The following LAMA2 variants were observed in gnomAD, a reference collection of about 807,000 sequenced individuals.
LAMA2 encodes laminin subunit alpha 2.
In LAMA2, 269 loss-of-function variants were observed where a neutral mutation model predicts 364.8. The ratio of observed to expected loss-of-function variants is 0.74; its 90% confidence interval spans 0.67 to 0.82. LAMA2 has a LOEUF of 0.82. Among genes scored for constraint, LAMA2 ranks in the 40% least tolerant of loss-of-function variants. The pLI, the probability that LAMA2 is intolerant of heterozygous loss-of-function variation, is 0.00. For missense variants in LAMA2, 3,807 were observed against 3,873.2 expected (o/e 0.98, Z 0.45); for synonymous variants, 1,379 against 1,370.6 (o/e 1.01, Z -0.14).
chr6:129,325,390 T>G (rs1390477523), intron 28 of LAMA2, among the ~76,000 whole-genome samples: 2 of 152,180 alleles, frequency 1.3e-5, no homozygotes, highest in Admixed American at 6.5e-5. Flanking sequence ...GTAACTTTTT[T>G]GCTTCCAATT....
rs763338640 is a variant in LAMA2, at chr6:129,260,800, G to C, written c.2186G>C (p.Gly729Ala). 3.1e-6 allele frequency: 5 copies of C among 1,605,974 alleles called. No homozygotes were observed. The highest frequency in any genetic ancestry group is 2.7e-5 in the African/African-American group (2 of 74,706). The change falls in exon 15 of 65, where the codon GGG becomes GCG. Residue 729 changes from glycine to alanine, a missense_variant. This residue lies in a region of LAMA2 where 3,333 missense variants were observed against 3,345.7 expected (regional missense o/e 1.00). Transcript: ENST00000421865. ...GTAGAAGTGTGTCAGTGCCCACCAGGGTATACTGGCTCCTCTTGTGAAGTA... is the reference window on the plus strand; with the variant it reads ...GTAGAAGTGTGTCAGTGCCCACCAGCGTATACTGGCTCCTCTTGTGAAGTA... Reference protein sequence around the residue: ...AAVEVCQCPPGYTGSSCESCW... With the variant: ...AAVEVCQCPPAYTGSSCESCW...
chr6:129,058,187 A>C (rs184594795), intron 2 of LAMA2, among the ~76,000 whole-genome samples: 1 of 152,344 alleles, frequency 6.6e-6, no homozygotes, highest in Non-Finnish European at 1.5e-5. Context: ...GAGAGGGAGA[A>C]AGAAAAAGAC....
At chr6:129,134,305 T>C (rs1188494747) in intron 4 of LAMA2, among the ~76,000 whole-genome samples, 1 of 152,260 alleles carries the variant, frequency 6.6e-6, no homozygotes, top group African/African-American at 2.4e-5. Context: ...ATTTGAGGTT[T>C]TAGCACTTTC....
intron 12 of LAMA2, among the ~76,000 whole-genome samples, chr6:129,200,066 G>A (rs548878281): frequency 6.8e-6 from 1 of 147,910 alleles, no homozygotes; most frequent in Admixed American, 6.8e-5. Flanking sequence ...GGCATAGAGC[G>A]AGACCCTCTC....
intron 4 of LAMA2, among the ~76,000 whole-genome samples, chr6:129,119,761 G>A (rs1298157656): frequency 1.3e-5 from 2 of 152,128 alleles, no homozygotes; most frequent in Non-Finnish European, 2.9e-5. Context: ...TGTTAGCCAG[G>A]ATGGTCTCGA....
chr6:129,052,135 CTTTT>C (rs34305119), intron 2 of LAMA2, among the ~76,000 whole-genome samples: 4 of 127,410 alleles, frequency 3.1e-5, no homozygotes, highest in Admixed American at 8.0e-5. Context: ...ATTTCTTCTC[CTTTT>C]TTTTTTTTTT....
intron 1 of LAMA2, among the ~76,000 whole-genome samples, chr6:128,931,403 T>C (rs1162726100): frequency 6.6e-6 from 1 of 152,228 alleles, no homozygotes; most frequent in East Asian, 1.9e-4. Context: ...AATATCTTAA[T>C]GTTGAATATC....
chr6:128,994,347 T>C (rs548590711), intron 1 of LAMA2, among the ~76,000 whole-genome samples: 5 of 152,254 alleles, frequency 3.3e-5, no homozygotes, highest in Admixed American at 6.5e-5. Flanking sequence ...CCTGAAGAAA[T>C]AGGGGGAACT....
intron 1 of LAMA2, among the ~76,000 whole-genome samples, chr6:128,905,957 C>G (rs552971772): frequency 6.6e-6 from 1 of 151,584 alleles, no homozygotes. Context: ...CTACAAAGGA[C>G]ATGAACTCAT....
At chr6:129,005,849 T>G (rs933756375) in intron 1 of LAMA2, among the ~76,000 whole-genome samples, 2 of 151,158 alleles carry the variant, frequency 1.3e-5, no homozygotes, top group Non-Finnish European at 2.9e-5. Context: ...ATATATATTT[T>G]TATATATATA....
At chr6:129,471,734 T>C (rs1783824221) in intron 51 of LAMA2, among the ~76,000 whole-genome samples, 1 of 151,986 alleles carries the variant, frequency 6.6e-6, no homozygotes, top group African/African-American at 2.4e-5. Flanking sequence ...AAAATAGGTG[T>C]GTGAAAGTAA....
intron 51 of LAMA2, 132 bp downstream of exon 51, chr6:129,465,421 AT>A: frequency 1.5e-5 from 12 of 785,160 alleles, no homozygotes; most frequent in Admixed American, 4.0e-5. Flanking sequence ...TTATACAGTC[AT>A]TTTTTTGGCT....
At chr6:128,990,546 C>T (rs972957668) in intron 1 of LAMA2, among the ~76,000 whole-genome samples, 1 of 152,102 alleles carries the variant, frequency 6.6e-6, no homozygotes, top group African/African-American at 2.4e-5. Context: ...GGTAATAGCG[C>T]CCTATAGAGT....
At chr6:129,345,692 A>G (rs139230032) in intron 30 of LAMA2, among the ~76,000 whole-genome samples, 7 of 152,236 alleles carry the variant, frequency 4.6e-5, no homozygotes, top group African/African-American at 7.2e-5. Flanking sequence ...TTGTGTGTGT[A>G]GATATCTAAA....
At chr6:129,367,594 G>A (rs955870338) in intron 33 of LAMA2, among the ~76,000 whole-genome samples, 2 of 152,120 alleles carry the variant, frequency 1.3e-5, no homozygotes, top group Admixed American at 6.6e-5. Context: ...TTAGAGGAAG[G>A]CATCTAAGAT....
At chr6:129,378,502 T>C (rs1344740506) in intron 34 of LAMA2, among the ~76,000 whole-genome samples, 1 of 152,238 alleles carries the variant, frequency 6.6e-6, no homozygotes, top group Non-Finnish European at 1.5e-5. Context: ...TACTGTGTAA[T>C]GAGACATGAT....
In LAMA2 at chr6:129,320,629, C is replaced by A. The variant is rs772823668; in HGVS notation, c.4150C>A (p.Leu1384Met). 1.9e-6 allele frequency: 3 copies of A among 1,611,170 alleles called. No homozygotes were observed. In the South Asian group the frequency reaches 3.3e-5, roughly 18 times the overall value. The change falls in exon 28 of 65, where the codon CTG becomes ATG. Residue 1384 changes from leucine to methionine, a missense_variant. Coordinates refer to ENST00000421865, the MANE Select transcript of LAMA2 (RefSeq NM_000426.4). ...ADLIEKCDCP[L>M]GYSGLSCEAC... ...CTTGATTGAAAAATGTGATTGTCCC[C>A]TGGGCTATTCTGGCCTGTCCTGTGA...
At chr6:129,439,850 C>A (rs5029371) in intron 42 of LAMA2, among the ~76,000 whole-genome samples, 60,058 of 126,802 alleles carry the variant, frequency 0.47, 14,455 homozygotes, top group African/African-American at 0.59. Flanking sequence ...ATATATATAT[C>A]TATCTCAATT....
At chr6:128,970,644 T>C (rs1179879940) in intron 1 of LAMA2, among the ~76,000 whole-genome samples, 1 of 152,206 alleles carries the variant, frequency 6.6e-6, no homozygotes, top group Non-Finnish European at 1.5e-5. Flanking sequence ...CATTACAAAA[T>C]AGAAAATTCA....
Sources: gnomAD v4.1 joint callset for allele counts (sites outside exome capture counted in the v4.1 genomes callset) on GRCh38, gnomAD v4.1.1 for gene constraint, gnomAD v4.1.1 regional missense constraint, MANE v1.5 for transcripts, NCBI Gene and HGNC (gene_info 2026-07-23, HGNC 2026-07-21) for gene names.